The following LAD1 variants were observed in gnomAD, a reference collection of about 807,000 sequenced individuals.
LAD1 encodes ladinin 1, also known as ladinin-1.
Under a neutral mutation model 54.2 loss-of-function variants are expected in LAD1, and 53 were observed. The ratio of observed to expected loss-of-function variants is 0.98; its 90% confidence interval spans 0.78 to 1.23. LAD1 has a LOEUF of 1.23. LAD1 is among the 50% of genes most tolerant of loss of function. The pLI, the probability that LAD1 is intolerant of heterozygous loss-of-function variation, is 0.00. For missense variants in LAD1, 637 were observed against 653.3 expected (o/e 0.98, Z 0.27); for synonymous variants, 231 against 257.7 (o/e 0.90, Z 0.99).
rs1661962575 is a variant in LAD1 at position 201,381,685 on chromosome 1, C to T, written c.*203G>A. 5 of 658,902 alleles carry T rather than the reference C, an allele frequency of 7.6e-6. No individual in the cohort carries two copies. The highest frequency in any genetic ancestry group is 2.4e-5 in the Admixed American group (1 of 41,266). The allele number at this position is 658,902 out of a possible 1,614,324, so 40.8% of individuals were successfully genotyped here. A position where few individuals can be genotyped will look rare whatever the true frequency, so the allele number is the denominator to read the frequency against. Reference sequence around the variant, plus strand: ...TGTGCCTGCCGCAGGGTGAGAAAGTCCCAGCCCCAAGAGGCTGGGCTGGGA... The same window carrying T: ...TGTGCCTGCCGCAGGGTGAGAAAGTTCCAGCCCCAAGAGGCTGGGCTGGGA... On this transcript the variant is annotated 3_prime_UTR_variant, in exon 10 of 10. Coordinates refer to ENST00000391967, the MANE Select transcript of LAD1 (RefSeq NM_005558.4).
intron 1 of LAD1, among the ~76,000 whole-genome samples, chr1:201,393,565 G>A (rs1031781940): frequency 2.0e-5 from 3 of 151,984 alleles, no homozygotes; most frequent in Admixed American, 6.6e-5. Context: ...GGCCAATATG[G>A]TGAAACCCTG....
intron 1 of LAD1, chr1:201,390,941 A>G (rs1235459919): frequency 2.8e-6 from 1 of 361,436 alleles, no homozygotes; most frequent in East Asian, 7.6e-5. Flanking sequence ...GAACTTGCCA[A>G]GTGCCTTTCT....
In LAD1 at chr1:201,381,087, A is replaced by G. The variant is rs1661945415; in HGVS notation, c.*801T>C. 1 of 152,430 alleles carries G rather than the reference A, an allele frequency of 6.6e-6. No homozygotes were observed. The highest frequency in any genetic ancestry group is 2.4e-5 in the African/African-American group (1 of 41,390). The allele number at this position is 152,430 out of a possible 1,614,324, so 9.4% of individuals were successfully genotyped here. A position where few individuals can be genotyped will look rare whatever the true frequency, so the allele number is the denominator to read the frequency against. On this transcript the variant is annotated 3_prime_UTR_variant, in exon 10 of 10. Coordinates refer to ENST00000391967, the MANE Select transcript of LAD1 (RefSeq NM_005558.4). ...AGCTAGGACTGCTGAGTGGCAAGCC[A>G]CCACCTTAATGTGAGAAGAGGGGGG... is the stretch of plus-strand genomic sequence containing the variant.
At chr1:201,384,080 T>A (rs1323794136) in intron 5 of LAD1, among the ~76,000 whole-genome samples, 1 of 152,198 alleles carries the variant, frequency 6.6e-6, no homozygotes, top group Non-Finnish European at 1.5e-5. Context: ...TCCCTGTCCC[T>A]CCCTGGTTGG....
rs746263240 is a variant in LAD1 at position 201,386,974 on chromosome 1, C to G, written c.387G>C (p.Gln129His). ...RNSLSPVQAT[Q>H]KPLVSKKELE... ...GTTCCTTCTTGGAGACTAGGGGTTT[C>G]TGTGTGGCCTGCACAGGGCTCAAGC... The change falls in exon 3 of 10, where the codon CAG becomes CAC. Residue 129 changes from glutamine (Q) to histidine (H), a missense_variant. Gln to His is a conservative substitution (Grantham distance 24). Transcript: ENST00000391967. The G allele has an allele frequency of 3.1e-6, 5 of 1,609,144 alleles. No individual in the cohort carries two copies. Among genetic ancestry groups the G allele is most frequent in the African/African-American group, 1.3e-5 (1 of 74,670 alleles).
At chr1:201,386,190 G>T (rs894682282) in intron 3 of LAD1, 145 bp downstream of exon 3, 46 of 816,350 alleles carry the variant, frequency 5.6e-5, no homozygotes, top group Non-Finnish European at 7.2e-5. Flanking sequence ...CTAGAAGCAG[G>T]CAGGGAAAGA....
chr1:201,381,215 A>T lies in LAD1; in HGVS notation c.*673T>A, dbSNP rs1232802593. On this transcript the variant is annotated 3_prime_UTR_variant, in exon 10 of 10. Transcript: ENST00000391967. Reference sequence around the variant, plus strand: ...TTCTAAGGTCTCATCAGTCTCTTACACCTGAGAGTAAATGAGTTTATCAGA... The same window carrying T: ...TTCTAAGGTCTCATCAGTCTCTTACTCCTGAGAGTAAATGAGTTTATCAGA... 1 of 156,394 alleles carries T rather than the reference A, an allele frequency of 6.4e-6. No individual in the cohort carries two copies. Among genetic ancestry groups the T allele is most frequent in the African/African-American group, 2.4e-5 (1 of 41,420 alleles). 9.7% of individuals were successfully genotyped at this position (156,394 alleles called of 1,614,324 possible).
chr1:201,393,555 G>A (rs1662232840), intron 1 of LAD1, among the ~76,000 whole-genome samples: 1 of 152,024 alleles, frequency 6.6e-6, no homozygotes, highest in African/African-American at 2.4e-5. Flanking sequence ...AGACCAGCCT[G>A]GCCAATATGG....
intron 1 of LAD1, among the ~76,000 whole-genome samples, chr1:201,390,902 G>A (rs998471551): frequency 8.5e-5 from 13 of 152,184 alleles, no homozygotes; most frequent in African/African-American, 2.7e-4. Flanking sequence ...GTGGAAGGGC[G>A]GGCCTGGTCC....
Position 201,383,129 on chromosome 1 carries a change from A to G in LAD1, c.1331T>C (p.Leu444Pro). Residue 444 changes from leucine (L) to proline (P), a missense_variant, in exon 7 of 10, where the codon CTC (leucine) becomes CCC (proline). Leu to Pro is a moderately conservative substitution (Grantham distance 98, BLOSUM62 -3). Transcript: ENST00000391967. Reference protein sequence around the residue: ...APVGVASKRHLFEKELAGQSR... With the variant: ...APVGVASKRHPFEKELAGQSR... Reference sequence around the variant, plus strand: ...CTGGCCCGCCAGTTCCTTCTCAAAGAGGTGGCGCTTGCTGGCTACACCCAC... The same window carrying G: ...CTGGCCCGCCAGTTCCTTCTCAAAGGGGTGGCGCTTGCTGGCTACACCCAC... 1 of 1,613,982 alleles carries G rather than the reference A, an allele frequency of 6.2e-7. No individual in the cohort carries two copies. Among genetic ancestry groups the G allele is most frequent in the Non-Finnish European group, 8.5e-7 (1 of 1,179,972 alleles).
At chr1:201,382,616 G>A in intron 8 of LAD1, 37 bp downstream of exon 8, 1 of 1,505,782 alleles carries the variant, frequency 6.6e-7, no homozygotes, top group East Asian at 2.3e-5. Context: ...CACCACAAAG[G>A]CTCCACAGTA....
chr1:201,386,475 G>A lies in LAD1; in HGVS notation c.886C>T (p.Pro296Ser). Residue 296 changes from proline to serine, a missense_variant, in exon 3 of 10, where the codon CCA becomes TCA. Transcript: ENST00000391967. Reference protein sequence around the residue: ...ASEQPLAQEPPASGGSPATTK... With the variant: ...ASEQPLAQEPSASGGSPATTK... Reference sequence around the variant, plus strand: ...GTGGCTGGGCTTCCCCCAGAGGCTGGCGGCTCCTGCGCCAGGGGCTGCTCT... The same window carrying A: ...GTGGCTGGGCTTCCCCCAGAGGCTGACGGCTCCTGCGCCAGGGGCTGCTCT... 2 of 1,551,780 alleles carry A rather than the reference G, an allele frequency of 1.3e-6. No individual in the cohort carries two copies. The highest frequency in any genetic ancestry group is 8.7e-7 in the Non-Finnish European group (1 of 1,154,622).
chr1:201,385,414 C>A (rs1445774100), intron 4 of LAD1, among the ~76,000 whole-genome samples: 1 of 152,212 alleles, frequency 6.6e-6, no homozygotes, highest in Non-Finnish European at 1.5e-5. Flanking sequence ...AGGTGTGGAC[C>A]TCCCTGCAGC....
intron 1 of LAD1, among the ~76,000 whole-genome samples, chr1:201,389,770 C>T (rs888679798): frequency 5.3e-5 from 8 of 151,604 alleles, no homozygotes; most frequent in South Asian, 2.1e-4. Flanking sequence ...TGCAGTGAGT[C>T]GAGATTGTGT....
At chr1:201,395,592 A>G (rs1241358123) in intron 1 of LAD1, among the ~76,000 whole-genome samples, 1 of 152,030 alleles carries the variant, frequency 6.6e-6, no homozygotes, top group Non-Finnish European at 1.5e-5. Flanking sequence ...CATCTGTACT[A>G]AAAATAGAAA....
At chr1:201,396,306 C>A (rs1037860118) in intron 1 of LAD1, among the ~76,000 whole-genome samples, 1 of 152,152 alleles carries the variant, frequency 6.6e-6, no homozygotes, top group African/African-American at 2.4e-5. Flanking sequence ...TCCTCCTCCC[C>A]ACTCCAGACT....
chr1:201,389,393 A>C, intron 1 of LAD1, 90 bp from the exon 2 acceptor site: 2 of 1,474,568 alleles, frequency 1.4e-6, no homozygotes, highest in Non-Finnish European at 1.8e-6. Context: ...AAGAGACCAA[A>C]TGCCCTCTAG....
At chr1:201,391,666 G>C (rs1217680202) in intron 1 of LAD1, among the ~76,000 whole-genome samples, 1 of 152,236 alleles carries the variant, frequency 6.6e-6, no homozygotes, top group African/African-American at 2.4e-5. Context: ...TATAGGCCAA[G>C]ATTATCAGAA....
chr1:201,386,293 G>C (rs1662081833), intron 3 of LAD1, 42 bp downstream of exon 3: 5 of 1,405,082 alleles, frequency 3.6e-6, no homozygotes, highest in Non-Finnish European at 4.6e-6. Context: ...GTGCCAGCCA[G>C]GTGGCAGAGT....
Sources: gnomAD v4.1 joint callset for allele counts (sites outside exome capture counted in the v4.1 genomes callset) on GRCh38, gnomAD v4.1.1 for gene constraint, MANE v1.5 for transcripts, NCBI Gene and HGNC (gene_info 2026-07-23, HGNC 2026-07-21) for gene names.